Variants in OPTN observed in about 807,000 individuals in gnomAD.
OPTN encodes the protein optineurin.
Under a neutral mutation model 70.4 loss-of-function variants are expected in OPTN, and 54 were observed. That is an observed-to-expected ratio of 0.77 (90% CI 0.62 to 0.96). The LOEUF is 0.96. OPTN is among the 40% of genes least tolerant of loss of function. The probability of loss-of-function intolerance (pLI) is 0.00; values close to 1 mark genes in which losing one functional copy is unlikely to be tolerated. For missense variants in OPTN, 624 were observed against 673.2 expected (o/e 0.93, Z 0.81); for synonymous variants, 256 against 248.5 (o/e 1.03, Z -0.28).
At position 13,122,485 on chromosome 10, in the gene OPTN, A is replaced by C. The variant is rs1245302485; in HGVS notation, c.880A>C (p.Thr294Pro). 3 of 1,609,344 alleles carry C rather than the reference A, an allele frequency of 1.9e-6. No homozygotes were observed. The South Asian group carries it at 3.3e-5, about 18-fold the overall frequency. Residue 294 changes from threonine to proline, a missense_variant and splice_region_variant, in exon 8 of 15, where the codon ACT (threonine) becomes CCT (proline). Coordinates refer to ENST00000378747, the MANE Select transcript of OPTN (RefSeq NM_001008212.2). ...GAATGATGAAGAGAAAGGCCCGGAG[A>C]CTGTGAGTCCTAAGATTCCACGGCC... ...KENDEEKGPE[T>P]VGSEVEALNL...
intron 7 of OPTN, among the ~76,000 whole-genome samples, chr10:13,121,275 A>G (rs1280236601): frequency 6.6e-6 from 1 of 152,054 alleles, no homozygotes; most frequent in Non-Finnish European, 1.5e-5. Flanking sequence ...CTTCTTTTTA[A>G]AGACTGTTGG....
rs191671333 is a variant in OPTN, at chr10:13,133,591, G to A, written c.1612+10G>A. On this transcript the variant is annotated intron_variant, in intron 14 of 14. Transcript: ENST00000378747. ...TACCTTGTTCAAAGAGGTGAGTCCCGTGTGATCCTGGATTTTCAGGAAATA... is the reference window on the plus strand; with the variant it reads ...TACCTTGTTCAAAGAGGTGAGTCCCATGTGATCCTGGATTTTCAGGAAATA... 1,090 of 1,611,822 alleles carry A rather than the reference G, an allele frequency of 6.8e-4. 9 individuals are homozygous for A. In the East Asian group the frequency reaches 0.011, roughly 16 times the overall value.
chr10:13,126,064 C>A, intron 11 of OPTN, 25 bp downstream of exon 11: 1 of 1,344,754 alleles, frequency 7.4e-7, no homozygotes, highest in Non-Finnish European at 1.1e-6. Context: ...AAATTACTTC[C>A]ATAGCCTAGT....
chr10:13,103,951 G>C (rs1832804751), intron 1 of OPTN, among the ~76,000 whole-genome samples: 1 of 152,100 alleles, frequency 6.6e-6, no homozygotes, highest in Non-Finnish European at 1.5e-5. Context: ...TCACATCTAG[G>C]TCAGTTGATT....
At chr10:13,130,374 G>A (rs559900993) in intron 12 of OPTN, among the ~76,000 whole-genome samples, 11 of 132,892 alleles carry the variant, frequency 8.3e-5, no homozygotes, top group South Asian at 2.4e-4. Flanking sequence ...GCAGTGAGCC[G>A]AGATCATGCC....
intron 11 of OPTN, among the ~76,000 whole-genome samples, chr10:13,126,282 T>TC (rs1564365551): frequency 1.4e-5 from 2 of 138,582 alleles, no homozygotes; most frequent in African/African-American, 5.4e-5. Context: ...ACTTCGTATT[T>TC]CTTTTTTTTT....
At chr10:13,119,594 G>A (rs542572866) in intron 7 of OPTN, among the ~76,000 whole-genome samples, 12 of 152,278 alleles carry the variant, frequency 7.9e-5, no homozygotes, top group Non-Finnish European at 1.3e-4. Context: ...TGGGTCATAC[G>A]GTATCGCTAT....
intron 5 of OPTN, among the ~76,000 whole-genome samples, chr10:13,115,633 TA>T (rs200801792): frequency 0.032 from 4,420 of 138,394 alleles, 158 homozygotes; most frequent in African/African-American, 0.081. Flanking sequence ...TCTAAATATC[TA>T]AATATATTAT....
At chr10:13,114,460 T>G (rs1588437813) in intron 5 of OPTN, among the ~76,000 whole-genome samples, 1 of 151,972 alleles carries the variant, frequency 6.6e-6, no homozygotes, top group Non-Finnish European at 1.5e-5. Context: ...ATGAGAAGTT[T>G]CCAGATGAAG....
At chr10:13,127,511 C>T (rs915335373) in intron 11 of OPTN, among the ~76,000 whole-genome samples, 12 of 151,944 alleles carry the variant, frequency 7.9e-5, no homozygotes, top group South Asian at 2.1e-4. Flanking sequence ...GTTAGCGTTG[C>T]TGATTAATAG....
At chr10:13,117,182 G>A (rs1480081887) in intron 6 of OPTN, among the ~76,000 whole-genome samples, 2 of 145,854 alleles carry the variant, frequency 1.4e-5, no homozygotes, top group African/African-American at 2.5e-5. Context: ...CCGGGTTCAC[G>A]CCATTCTCCT....
At chr10:13,132,292 T>C (rs1173912551) in intron 13 of OPTN, 95 bp downstream of exon 13, 6 of 1,453,810 alleles carry the variant, frequency 4.1e-6, no homozygotes, top group Non-Finnish European at 4.8e-6. Flanking sequence ...ACTATAAGAA[T>C]AGCTGTGTTC....
chr10:13,104,858 G>A, intron 1 of OPTN: 1 of 349,990 alleles, frequency 2.9e-6, no homozygotes, highest in Non-Finnish European at 5.4e-6. Flanking sequence ...AGAAGGGACA[G>A]CATGGGGGTG....
At chr10:13,107,480 G>A (rs1269772721) in intron 1 of OPTN, among the ~76,000 whole-genome samples, 3 of 143,398 alleles carry the variant, frequency 2.1e-5, no homozygotes, top group Admixed American at 1.4e-4. Flanking sequence ...CTGGGTTCAC[G>A]CCATTCTCCT....
chr10:13,112,575 G>A lies in OPTN; in HGVS notation c.492G>A (p.Leu164=). Reference sequence around the variant, plus strand: ...ACCTGTTGGGCATCGTGTCTGAACTGCAGCTCAAGCTGAACTCCAGCGGCT... The same window carrying A: ...ACCTGTTGGGCATCGTGTCTGAACTACAGCTCAAGCTGAACTCCAGCGGCT... ...KADLLGIVSE[L]QLKLNSSGSS... Residue 164 remains leucine (L), a synonymous_variant, in exon 5 of 15, where the codon CTG becomes CTA. Transcript: ENST00000378747. 6.2e-7 allele frequency: 1 copy of A among 1,614,176 alleles called. No homozygotes were observed. Among genetic ancestry groups the A allele is most frequent in the Non-Finnish European group, 8.5e-7 (1 of 1,180,036 alleles).
intron 1 of OPTN, chr10:13,104,600 A>G: frequency 1.5e-6 from 1 of 668,144 alleles, no homozygotes; most frequent in Admixed American, 1.8e-5. Context: ...TAACATGAGG[A>G]TACTGTTTCC....
rs1013464707 is a variant in OPTN at position 13,110,094 on chromosome 10, G to A, written c.167-180G>A. 102 of 1,082,638 alleles carry A rather than the reference G, an allele frequency of 9.4e-5. 1 individual carries two copies. The highest frequency in any genetic ancestry group is 1.2e-4 in the Non-Finnish European group (95 of 768,498). 67.1% of individuals were successfully genotyped at this position (1,082,638 alleles called of 1,614,324 possible). A position where few individuals can be genotyped will look rare whatever the true frequency, so the allele number is the denominator to read the frequency against. ...AAGGACTAGAAATGATGTTCATCCC[G>A]CTAGTCTTTTCTGTAAGCAAAAACC... On this transcript the variant is annotated intron_variant, in intron 3 of 14. Coordinates refer to ENST00000378747, the MANE Select transcript of OPTN (RefSeq NM_001008212.2).
At chr10:13,107,727 C>G (rs1025222179) in intron 1 of OPTN, among the ~76,000 whole-genome samples, 2 of 152,084 alleles carry the variant, frequency 1.3e-5, no homozygotes, top group Non-Finnish European at 2.9e-5. Flanking sequence ...AAATAATATG[C>G]TTTTTCAGGC....
At chr10:13,109,671 TA>T (rs34623086) in intron 3 of OPTN, 1,556 of 130,752 alleles carry the variant, frequency 0.012, 1 homozygote, top group South Asian at 0.031. Context: ...ACAAAAAAAT[TA>T]AAAAAAAAAA....
Sources: gnomAD v4.1 joint callset for allele counts (sites outside exome capture counted in the v4.1 genomes callset) on GRCh38, gnomAD v4.1.1 for gene constraint, MANE v1.5 for transcripts, NCBI Gene and HGNC (gene_info 2026-07-23, HGNC 2026-07-21) for gene names.